The following KCNT1 variants were observed in gnomAD, a reference collection of about 807,000 sequenced individuals.
KCNT1 encodes the protein potassium channel subfamily T member 1.
KCNT1 carries 78 observed loss-of-function variants against 147.8 expected under a neutral mutation model. That is an observed-to-expected ratio of 0.53 (90% CI 0.44 to 0.64). The LOEUF (loss-of-function observed/expected upper bound fraction) is 0.64. Ranked by LOEUF, KCNT1 falls within the 30% of genes least tolerant of loss-of-function variation. The pLI is 0.00. For synonymous variants in KCNT1, 867 were observed against 748.8 expected (o/e 1.16, Z -2.58); for missense variants, 1,419 against 1,750.3 (o/e 0.81, Z 3.38).
chr9:135,714,627 T>G lies in KCNT1; in HGVS notation c.161T>G (p.Met54Arg). 1 of 1,461,818 alleles carries G rather than the reference T, an allele frequency of 6.8e-7. No individual in the cohort carries two copies. Among genetic ancestry groups the G allele is most frequent in the South Asian group, 1.2e-5 (1 of 80,770 alleles). The allele number at this position is 1,461,818 out of a possible 1,614,324, so 90.6% of individuals were successfully genotyped here. The stretch of plus-strand genomic sequence containing the variant: ...CTCCTGGACACCGCCGGCTTCAAGA[T>G]GAGCGACCTGGACTCCGAGGTGCTG... ...GALLDTAGFKMSDLDSEVLPL... is the reference protein window; with the variant it reads ...GALLDTAGFKRSDLDSEVLPL... The change falls in exon 2 of 31, where the codon ATG (methionine) becomes AGG (arginine). Residue 54 changes from methionine (M) to arginine (R), a missense_variant. By Grantham distance (91) the Met-to-Arg change is moderately conservative (BLOSUM62 -1). Around this residue, in one of 5 missense-constraint regions of KCNT1, gnomAD observed 181 missense variants for 155.7 expected, o/e 1.16. Transcript: ENST00000371757. The surrounding 1 kb of genome is among the most constrained non-coding windows in gnomAD (Gnocchi z 6.2).
At chr9:135,716,521 C>T (rs186275046) in intron 2 of KCNT1, among the ~76,000 whole-genome samples, 120 of 152,312 alleles carry the variant, frequency 7.9e-4, no homozygotes, top group African/African-American at 2.8e-3. Context: ...AACACTGTGC[C>T]ACCCTCACCA....
At chr9:135,707,434 G>A (rs1433056227) in intron 1 of KCNT1, among the ~76,000 whole-genome samples, 1 of 152,176 alleles carries the variant, frequency 6.6e-6, no homozygotes, top group East Asian at 1.9e-4. Flanking sequence ...AGCTCAGCTC[G>A]AGGGTACTGA....
At chr9:135,742,747 G>T (rs1214996572) in intron 2 of KCNT1, 5 of 717,312 alleles carry the variant, frequency 7.0e-6, no homozygotes, top group Non-Finnish European at 1.3e-5. Flanking sequence ...CCCGCATTCT[G>T]GTTGATGCCC....
At chr9:135,721,918 G>T (rs1835939356) in intron 2 of KCNT1, among the ~76,000 whole-genome samples, 1 of 152,214 alleles carries the variant, frequency 6.6e-6, no homozygotes, top group South Asian at 2.1e-4. Flanking sequence ...CTGCTGTGGA[G>T]ACTGTGGCTC....
chr9:135,767,611 A>C (rs1303317964), intron 13 of KCNT1, among the ~76,000 whole-genome samples: 1 of 151,532 alleles, frequency 6.6e-6, no homozygotes, highest in Non-Finnish European at 1.5e-5. Context: ...TCATGGCAAC[A>C]TACAAGATGG....
At chr9:135,791,910 AC>A (rs11430171) in intron 30 of KCNT1, 29 bp downstream of exon 30, 40 of 1,610,158 alleles carry the variant, frequency 2.5e-5, no homozygotes, top group Admixed American at 1.2e-4. Flanking sequence ...CTGTGTGGAG[AC>A]CCCCCCTGAG....
chr9:135,760,231 C>T (rs1564357161), intron 11 of KCNT1, among the ~76,000 whole-genome samples: 1 of 152,188 alleles, frequency 6.6e-6, no homozygotes, highest in African/African-American at 2.4e-5. Context: ...GCCAGGCCCA[C>T]AGGGGGCACA....
Position 135,786,224 on chromosome 9 carries a change from T to C in KCNT1, c.3205T>C (p.Cys1069Arg). 1.2e-6 allele frequency: 2 copies of C among 1,610,952 alleles called. No homozygotes were observed. Among genetic ancestry groups the C allele is most frequent in the Non-Finnish European group, 1.7e-6 (2 of 1,179,230 alleles). Residue 1069 changes from cysteine to arginine, a missense_variant, in exon 29 of 31, where the codon TGT becomes CGT. By Grantham distance (180) the Cys-to-Arg change is radical (BLOSUM62 -3). Transcript: ENST00000371757. Reference protein sequence around the residue: ...QSQISVNVEDCEDTREVKGPW... With the variant: ...QSQISVNVEDREDTREVKGPW... ...CCAGATCTCGGTGAACGTGGAGGAC[T>C]GTGAGGACACACGGGAAGTGAAGGG... is the stretch of plus-strand genomic sequence containing the variant.
At position 135,792,222 on chromosome 9, in the gene KCNT1, G is replaced by C; in HGVS notation, c.*61G>C. On this transcript the variant is annotated 3_prime_UTR_variant, in exon 31 of 31. Transcript: ENST00000371757. The stretch of plus-strand genomic sequence containing the variant: ...GGGTCCTCAGGAAGGACGTGGAGGA[G>C]CGTGTGAGGACACGGTGGCACTAGC... 1 of 1,560,740 alleles carries C rather than the reference G, an allele frequency of 6.4e-7. No homozygotes were observed. Among genetic ancestry groups the C allele is most frequent in the South Asian group, 1.2e-5 (1 of 86,404 alleles).
Position 135,785,324 on chromosome 9 carries a change from A to AGCCCAGGTAAGCAACCCCTCCGT in KCNT1, c.3177_3177+22dup, listed in dbSNP as rs1833953810. ...TTCCTTTGCAGCCCCACGACCTCAGAGCCCAGGTAAGCAACCCCTCCGTGC... is the reference window on the plus strand; with the variant it reads ...TTCCTTTGCAGCCCCACGACCTCAGAGCCCAGGTAAGCAACCCCTCCGTGCCCAGGTAAGCAACCCCTCCGTGC... On this transcript the variant is annotated frameshift_variant, in exon 28 of 31. Coordinates refer to ENST00000371757, the MANE Select transcript of KCNT1 (RefSeq NM_020822.3). LOFTEE classifies it high-confidence loss of function. 2.3e-5 allele frequency: 37 copies of AGCCCAGGTAAGCAACCCCTCCGT among 1,613,000 alleles called. No individual in the cohort carries two copies. The highest frequency in any genetic ancestry group is 3.1e-5 in the Non-Finnish European group (36 of 1,179,930).
intron 20 of KCNT1, 100 bp downstream of exon 20, chr9:135,775,515 C>T: frequency 2.4e-6 from 2 of 823,868 alleles, no homozygotes; most frequent in Non-Finnish European, 1.9e-6. Flanking sequence ...CATTTCGATA[C>T]CATTGCAAAC....
intron 1 of KCNT1, among the ~76,000 whole-genome samples, chr9:135,708,822 G>T (rs779947946): frequency 4.6e-5 from 7 of 152,196 alleles, no homozygotes; most frequent in Non-Finnish European, 8.8e-5. Flanking sequence ...TGGAATTACA[G>T]GCGTGAGGCA....
Position 135,753,921 on chromosome 9 carries a change from C to T in KCNT1, c.435-16C>T. On this transcript the variant is annotated splice_polypyrimidine_tract_variant and intron_variant, in intron 4 of 30. Transcript: ENST00000371757. ...TAGAGGGGCCAGGGCCGGGCCAGCG[C>T]TGTGTCTCTCCACAGCTGGGGCTGC... 1 of 1,614,020 alleles carries T rather than the reference C, an allele frequency of 6.2e-7. No homozygotes were observed. Among genetic ancestry groups the T allele is most frequent in the Non-Finnish European group, 8.5e-7 (1 of 1,179,950 alleles).
intron 20 of KCNT1, 129 bp from the exon 21 acceptor site, chr9:135,777,209 G>A (rs961016012): frequency 1.2e-4 from 112 of 957,208 alleles, no homozygotes; most frequent in Admixed American, 2.7e-4. Flanking sequence ...GGCCGTGAAA[G>A]GGCTGTGGGC....
chr9:135,769,808 A>G (rs991214912), intron 15 of KCNT1, 139 bp from the exon 16 acceptor site: 2 of 643,306 alleles, frequency 3.1e-6, no homozygotes, highest in South Asian at 1.8e-5. Context: ...CGGGGCAGAG[A>G]TGCTGAAGCC....
At position 135,778,868 on chromosome 9, in the gene KCNT1, C is replaced by T. The variant is rs1459821260; in HGVS notation, c.2729+46C>T. The T allele has an allele frequency of 2.4e-5, 38 of 1,597,598 alleles. No homozygotes were observed. The East Asian group carries it at 6.5e-4, about 27-fold the overall frequency. On this transcript the variant is annotated intron_variant, in intron 23 of 30. Coordinates refer to ENST00000371757, the MANE Select transcript of KCNT1 (RefSeq NM_020822.3). ...TCGGCTCTAAACCACCCCACAGCCA[C>T]GACCACGGGCCCTCGCCCTGAGACC...
intron 2 of KCNT1, among the ~76,000 whole-genome samples, chr9:135,722,354 G>A (rs1835959666): frequency 1.3e-5 from 2 of 152,206 alleles, no homozygotes; most frequent in African/African-American, 2.4e-5. Flanking sequence ...AGGGACTCAT[G>A]TGTGTGACAC....
At chr9:135,742,591 G>T (rs1246724030) in intron 2 of KCNT1, among the ~76,000 whole-genome samples, 4 of 141,694 alleles carry the variant, frequency 2.8e-5, no homozygotes, top group Non-Finnish European at 4.7e-5. Flanking sequence ...GTGCCCGGGG[G>T]CGCCAAAGGT....
At chr9:135,783,100 C>A (rs1833732094) in intron 24 of KCNT1, among the ~76,000 whole-genome samples, 2 of 152,210 alleles carry the variant, frequency 1.3e-5, no homozygotes, top group Non-Finnish European at 2.9e-5. Context: ...AGGGTTGGGG[C>A]CCTCCGCTGA....
Sources: gnomAD v4.1 joint callset for allele counts (sites outside exome capture counted in the v4.1 genomes callset) on GRCh38, gnomAD v4.1.1 for gene constraint, gnomAD v4.1.1 regional missense constraint, Gnocchi (gnomAD v3.1) non-coding constraint, MANE v1.5 for transcripts, NCBI Gene and HGNC (gene_info 2026-07-23, HGNC 2026-07-21) for gene names.